The following FAM90A1 variants were observed in gnomAD, a reference collection of about 807,000 sequenced individuals.
FAM90A1 encodes family with sequence similarity 90 member A1, also known as protein FAM90A1.
Under a neutral mutation model 14.8 loss-of-function variants are expected in FAM90A1, and 10 were observed. The observed-to-expected ratio is 0.67, with a 90% CI of 0.42 to 1.14. The LOEUF is 1.14. Ranked by LOEUF, FAM90A1 falls within the 50% of genes most tolerant of loss-of-function variation. The pLI, the probability that FAM90A1 is intolerant of heterozygous loss-of-function variation, is 0.00. For missense variants in FAM90A1, 567 were observed against 602.8 expected, an observed-to-expected ratio of 0.94 and a Z score of 0.62; for synonymous variants, 236 against 248.4, an observed-to-expected ratio of 0.95 and a Z score of 0.47.
chr12:8,225,567 C>T (rs1418340054), intron 3 of FAM90A1, among the ~76,000 whole-genome samples: 1 of 151,650 alleles, frequency 6.6e-6, no homozygotes, highest in Non-Finnish European at 1.5e-5. Flanking sequence ...AAGGGCAAAC[C>T]ACCCTTTTTT....
Position 8,222,393 on chromosome 12 carries a change from G to T in FAM90A1, c.824C>A (p.Thr275Lys). 1 of 1,611,764 alleles carries T rather than the reference G, an allele frequency of 6.2e-7. No homozygotes were observed. The highest frequency in any genetic ancestry group is 8.5e-7 in the Non-Finnish European group (1 of 1,179,860). Reference sequence around the variant, plus strand: ...ATTGGAGCCTAGGCCCAAGCTGTGTGTGGCGGCTGGTGGGCAGGGCTGTGA... The same window carrying T: ...ATTGGAGCCTAGGCCCAAGCTGTGTTTGGCGGCTGGTGGGCAGGGCTGTGA... ...VTSQPCPPAATHSLGLGSNLS... is the reference protein window; with the variant it reads ...VTSQPCPPAAKHSLGLGSNLS... Residue 275 changes from threonine to lysine, a missense_variant, in exon 7 of 7, where the codon ACA becomes AAA. Coordinates refer to ENST00000538603, the MANE Select transcript of FAM90A1 (RefSeq NM_018088.3).
rs773291216 is a variant in FAM90A1, at chr12:8,222,322, G to T, written c.895C>A (p.Gln299Lys). 1 of 1,611,606 alleles carries T rather than the reference G, an allele frequency of 6.2e-7. No individual in the cohort carries two copies. Among genetic ancestry groups the T allele is most frequent in the Admixed American group, 1.7e-5 (1 of 60,030 alleles). The change falls in exon 7 of 7, where the codon CAG becomes AAG. Residue 299 changes from glutamine to lysine, a missense_variant. Transcript: ENST00000538603. ...GAKRSAPAPI[Q>K]ACLNFPKKPR... ...TTCTTGGGGAAGTTCAGGCAAGCCT[G>T]AATCGGAGCCGGGGCAGATCTCTTG...
At chr12:8,226,860 C>T (rs1482775855) in intron 1 of FAM90A1, among the ~76,000 whole-genome samples, 2 of 123,092 alleles carry the variant, frequency 1.6e-5, no homozygotes, top group Non-Finnish European at 1.6e-5. Context: ...GGCTGGGGTG[C>T]AGTGGTGTGA....
rs992477923 is a variant in FAM90A1, at chr12:8,224,164, A to T, written c.175T>A (p.Cys59Ser). ...AFGHTARSTR[C>S]PMKCWKAALV... ...GCTGCCTTCCAGCACTTCATGGGGC[A>T]CCTGGTACTTCTGGCCGTGTGGCCA... The change falls in exon 5 of 7, where the codon TGC becomes AGC. Residue 59 changes from cysteine (C) to serine (S), a missense_variant. By Grantham distance (112) the Cys-to-Ser change is moderately radical. Coordinates refer to ENST00000538603, the MANE Select transcript of FAM90A1 (RefSeq NM_018088.3). 3 of 1,612,016 alleles carry T rather than the reference A, an allele frequency of 1.9e-6. No individual in the cohort carries two copies. Among genetic ancestry groups the T allele is most frequent in the Admixed American group, 1.7e-5 (1 of 60,020 alleles).
At position 8,227,603 on chromosome 12, in the gene FAM90A1, G is replaced by T. The variant is rs1481764266; in HGVS notation, c.-544C>A. The T allele has an allele frequency of 6.5e-7, 1 of 1,548,564 alleles. No homozygotes were observed. The highest frequency in any genetic ancestry group is 8.7e-7 in the Non-Finnish European group (1 of 1,151,614). The stretch of plus-strand genomic sequence containing the variant: ...GGTTGCTTCTGGAAGGGCCCGGATG[G>T]GGCCTGACTGGAGCTGCCGAGGGGT... On this transcript the variant is annotated 5_prime_UTR_variant, in exon 1 of 7. Coordinates refer to ENST00000538603, the MANE Select transcript of FAM90A1 (RefSeq NM_018088.3).
In FAM90A1 at chr12:8,222,145, T is replaced by C. The variant is rs746608768; in HGVS notation, c.1072A>G (p.Ser358Gly). The C allele has an allele frequency of 6.2e-7, 1 of 1,611,944 alleles. No homozygotes were observed. Among genetic ancestry groups the C allele is most frequent in the Admixed American group, 1.7e-5 (1 of 59,952 alleles). ...TGTRTPAQVL[S>G]GDRQPPHSRP... is the part of the protein sequence containing the mutation. ...CTGTGCGGAGGCTGCCGGTCGCCGCTAAGCACCTGGGCGGGTGTCCTCGTG... is the reference window on the plus strand; with the variant it reads ...CTGTGCGGAGGCTGCCGGTCGCCGCCAAGCACCTGGGCGGGTGTCCTCGTG... Residue 358 changes from serine (S) to glycine (G), a missense_variant, in exon 7 of 7, where the codon AGC (serine) becomes GGC (glycine). Physicochemically the swap from Ser to Gly is moderately conservative, Grantham distance 56. Coordinates refer to ENST00000538603, the MANE Select transcript of FAM90A1 (RefSeq NM_018088.3).
In FAM90A1 at chr12:8,221,456, C is replaced by T. The variant is rs1948819071; in HGVS notation, c.*366G>A. ...CACCTCTCAGGGTTCCCTAACTTTT[C>T]CCTTATTCAGTCGTCTAGAGAGCAA... is the stretch of plus-strand genomic sequence containing the variant. On this transcript the variant is annotated 3_prime_UTR_variant, in exon 7 of 7. Coordinates refer to ENST00000538603, the MANE Select transcript of FAM90A1 (RefSeq NM_018088.3). The T allele has an allele frequency of 1.8e-5, 7 of 381,538 alleles. No individual in the cohort carries two copies. The highest frequency in any genetic ancestry group is 1.4e-4 in the South Asian group (6 of 43,504). The allele number at this position is 381,538 out of a possible 1,614,324, so 23.6% of individuals were successfully genotyped here. A position where few individuals can be genotyped will look rare whatever the true frequency, so the allele number is the denominator to read the frequency against.
Position 8,224,077 on chromosome 12 carries a change from G to C in FAM90A1, c.262C>G (p.Gln88Glu), listed in dbSNP as rs1948888314. The change falls in exon 5 of 7, where the codon CAG (glutamine) becomes GAG (glutamate). Residue 88 changes from glutamine (Q) to glutamate (E), a missense_variant. Gln to Glu is a conservative substitution (Grantham distance 29). Transcript: ENST00000538603. Reference protein sequence around the residue: ...GKENLKPWKPQVEANPGPLNK... With the variant: ...GKENLKPWKPEVEANPGPLNK... The stretch of plus-strand genomic sequence containing the variant: ...AAGGGCCCAGGGTTCGCTTCAACCT[G>C]GGGCTTCCATGGTTTCAGGTTTTCC... The C allele has an allele frequency of 6.2e-7, 1 of 1,611,922 alleles. No homozygotes were observed. Among genetic ancestry groups the C allele is most frequent in the African/African-American group, 1.3e-5 (1 of 74,856 alleles).
chr12:8,223,561 C>A lies in FAM90A1; in HGVS notation c.324-4G>T, dbSNP rs1948878602. 1.3e-6 allele frequency: 2 copies of A among 1,514,200 alleles called. No individual in the cohort carries two copies. The highest frequency in any genetic ancestry group is 1.8e-6 in the Non-Finnish European group (2 of 1,089,636). 93.8% of individuals were successfully genotyped at this position (1,514,200 alleles called of 1,614,324 possible). ...CTTCCTCTGCGGGTCTTGTGGCCTG[C>A]AGAACAGAAAAAGGTCAGGCCGTCC... On this transcript the variant is annotated splice_region_variant and splice_polypyrimidine_tract_variant and intron_variant, in intron 5 of 6. Coordinates refer to ENST00000538603, the MANE Select transcript of FAM90A1 (RefSeq NM_018088.3).
At chr12:8,225,634 C>T (rs757781944) in intron 3 of FAM90A1, among the ~76,000 whole-genome samples, 10 of 152,058 alleles carry the variant, frequency 6.6e-5, no homozygotes, top group Non-Finnish European at 1.2e-4. Flanking sequence ...CATTTCTTTT[C>T]GCATTCCCAC....
At position 8,224,859 on chromosome 12, in the gene FAM90A1, GC is replaced by G. The variant is rs768375406; in HGVS notation, c.-28del. 6.2e-7 allele frequency: 1 copy of G among 1,605,012 alleles called. No individual in the cohort carries two copies. Among genetic ancestry groups the G allele is most frequent in the Non-Finnish European group, 8.5e-7 (1 of 1,179,582 alleles). On this transcript the variant is annotated 5_prime_UTR_variant, in exon 4 of 7. Coordinates refer to ENST00000538603, the MANE Select transcript of FAM90A1 (RefSeq NM_018088.3). ...TTCGTCTCCTGGGGGTTTTATGACC[GC>G]CTTTTTCAGGGGTTGATTGTCGGGT... is the stretch of plus-strand genomic sequence containing the variant.
chr12:8,223,621 G>C lies in FAM90A1; in HGVS notation c.324-64C>G, dbSNP rs950095732. The C allele has an allele frequency of 7.2e-4, 701 of 970,844 alleles. 4 individuals carry two copies. The highest frequency in any genetic ancestry group is 2.7e-3 in the Admixed American group (157 of 58,618). The allele number at this position is 970,844 out of a possible 1,614,324, so 60.1% of individuals were successfully genotyped here. A position where few individuals can be genotyped will look rare whatever the true frequency, so the allele number is the denominator to read the frequency against. ...TTCCCCAGGAGACGGGGAGAACCCT[G>C]TCTGGGGCCCAGTCCCATTCCGTGT... On this transcript the variant is annotated intron_variant, in intron 5 of 6. Coordinates refer to ENST00000538603, the MANE Select transcript of FAM90A1 (RefSeq NM_018088.3).
rs762713055 is a variant in FAM90A1 at position 8,221,957 on chromosome 12, C to T, written c.1260G>A (p.Pro420=). 2.5e-6 allele frequency: 4 copies of T among 1,596,724 alleles called. No individual in the cohort carries two copies. The highest frequency in any genetic ancestry group is 1.7e-5 in the Admixed American group (1 of 60,022). The part of the protein sequence containing the change: ...TAPSFHSPEK[P]GAFLAQSPHV... ...GAGGGCTCTGAGCGAGGAAGGCTCC[C>T]GGCTTCTCAGGAGAGTGAAATGAGG... Residue 420 remains proline (P), a synonymous_variant, in exon 7 of 7, where the codon CCG becomes CCA. Transcript: ENST00000538603.
chr12:8,226,960 A>G (rs1299599156), intron 1 of FAM90A1, among the ~76,000 whole-genome samples: 1 of 151,628 alleles, frequency 6.6e-6, no homozygotes, highest in Admixed American at 6.6e-5. Flanking sequence ...TGCCCACTAC[A>G]CCCAGCTTAT....
At position 8,226,802 on chromosome 12, in the gene FAM90A1, C is replaced by CTTTTTTTTTTTTTTTTTTT. The variant is rs71042351; in HGVS notation, c.-420-343_-420-325dup. On this transcript the variant is annotated intron_variant, in intron 1 of 6. Coordinates refer to ENST00000538603, the MANE Select transcript of FAM90A1 (RefSeq NM_018088.3). ...TTTTTTCTTGTTTCTTCATTGATGT[C>CTTTTTTTTTTTTTTTTTTT]TTTTTTTTTTTTTTTTTTTTTTTTT... 2.0e-4 allele frequency among the ~76,000 whole-genome samples: 16 copies of CTTTTTTTTTTTTTTTTTTT among 79,804 alleles called. 2 individuals are homozygous for CTTTTTTTTTTTTTTTTTTT. Among genetic ancestry groups the CTTTTTTTTTTTTTTTTTTT allele is most frequent in the African/African-American group, 7.6e-4 (13 of 17,164 alleles). The allele number at this position is 79,804 out of a possible 152,430, so 52.4% of individuals were successfully genotyped here.
rs1272374435 is a variant in FAM90A1 at position 8,225,911 on chromosome 12, G to A, written c.-132C>T. The A allele has an allele frequency of 6.6e-6, 1 of 152,246 alleles. No homozygotes were observed. The highest frequency in any genetic ancestry group is 2.4e-5 in the African/African-American group (1 of 41,464). The allele number at this position is 152,246 out of a possible 1,614,324, so 9.4% of individuals were successfully genotyped here. On this transcript the variant is annotated 5_prime_UTR_variant, in exon 3 of 7. Transcript: ENST00000538603. Reference sequence around the variant, plus strand: ...GTGCTGGAGCAGCCCCGCTGGAAGCGATGCAGCATCCAGGAAGACGGAGGA... The same window carrying A: ...GTGCTGGAGCAGCCCCGCTGGAAGCAATGCAGCATCCAGGAAGACGGAGGA...
At chr12:8,226,660 C>A (rs1212039831) in intron 1 of FAM90A1, among the ~76,000 whole-genome samples, 182 bp from the exon 2 acceptor site, 2 of 152,144 alleles carry the variant, frequency 1.3e-5, no homozygotes, top group African/African-American at 4.8e-5. Context: ...GGGTCTTATA[C>A]TGCTTTACAT....
chr12:8,226,714 C>T (rs911148914), intron 1 of FAM90A1, among the ~76,000 whole-genome samples: 4 of 151,666 alleles, frequency 2.6e-5, no homozygotes, highest in Admixed American at 6.6e-5. Flanking sequence ...GGGCAGGGAG[C>T]CCAGATGTGA....
In FAM90A1 at chr12:8,223,575, G is replaced by A; in HGVS notation, c.324-18C>T. On this transcript the variant is annotated intron_variant, in intron 5 of 6. Coordinates refer to ENST00000538603, the MANE Select transcript of FAM90A1 (RefSeq NM_018088.3). ...CTTGTGGCCTGCAGAACAGAAAAAG[G>A]TCAGGCCGTCCTCCCTGGTTTTCCC... The A allele has an allele frequency of 2.1e-6, 3 of 1,418,692 alleles. No homozygotes were observed. Among genetic ancestry groups the A allele is most frequent in the East Asian group, 2.3e-5 (1 of 43,676 alleles). The allele number at this position is 1,418,692 out of a possible 1,614,324, so 87.9% of individuals were successfully genotyped here. A position where few individuals can be genotyped will look rare whatever the true frequency, so the allele number is the denominator to read the frequency against.
Sources: gnomAD v4.1 joint callset for allele counts (sites outside exome capture counted in the v4.1 genomes callset) on GRCh38, gnomAD v4.1.1 for gene constraint, MANE v1.5 for transcripts, NCBI Gene and HGNC (gene_info 2026-07-23, HGNC 2026-07-21) for gene names.